Variants in TTC29 observed in about 807,000 individuals in gnomAD.
TTC29 encodes tetratricopeptide repeat domain 29, also known as tetratricopeptide repeat protein 29.
In TTC29, 49 loss-of-function variants were observed where a neutral mutation model predicts 58.1. The observed-to-expected ratio is 0.84, with a 90% CI of 0.67 to 1.07. The LOEUF (loss-of-function observed/expected upper bound fraction) is 1.07. TTC29 is among the 50% of genes least tolerant of loss of function. The pLI, the probability that TTC29 is intolerant of heterozygous loss-of-function variation, is 0.00. For missense variants in TTC29, 582 were observed against 555.6 expected, an observed-to-expected ratio of 1.05 and a Z score of -0.48; for synonymous variants, 209 against 196.8, an observed-to-expected ratio of 1.06 and a Z score of -0.52.
intron 8 of TTC29, among the ~76,000 whole-genome samples, chr4:146,841,010 G>C (rs1728819271): frequency 6.6e-6 from 1 of 152,128 alleles, no homozygotes; most frequent in African/African-American, 2.4e-5. Flanking sequence ...ATAAATTAAA[G>C]AACAAACTTT....
intron 11 of TTC29, among the ~76,000 whole-genome samples, chr4:146,708,357 C>CATGTGTATATATATATATATAT (rs1561047198): frequency 5.9e-5 from 1 of 16,812 alleles, no homozygotes; most frequent in African/African-American, 1.4e-4. Flanking sequence ...TATATATATA[C>CATGTGTATATATATATATATAT]ACATGTATGT....
intron 11 of TTC29, among the ~76,000 whole-genome samples, chr4:146,725,567 T>C (rs1304033173): frequency 6.6e-6 from 1 of 152,096 alleles, no homozygotes; most frequent in Admixed American, 6.6e-5. Flanking sequence ...AAAGGCTACT[T>C]TTATGGCTAA....
rs1731142112 is a variant in TTC29 at position 146,874,737 on chromosome 4, C to T, written c.778G>A (p.Ala260Thr). 1 of 1,604,560 alleles carries T rather than the reference C, an allele frequency of 6.2e-7. No homozygotes were observed. The highest frequency in any genetic ancestry group is 8.5e-7 in the Non-Finnish European group (1 of 1,175,782). ...YKQAIKILIK[A>T]SEIAKEGSDK... is the part of the protein sequence containing the mutation. ...CCACCTTCTTTGGCTATTTCAGAAG[C>T]TTTTATTAGAATTTTGATGGCCTGT... The change falls in exon 7 of 13, where the codon GCT becomes ACT. Residue 260 changes from alanine to threonine, a missense_variant. Ala to Thr is a moderately conservative substitution (Grantham distance 58). Transcript: ENST00000325106.
In TTC29 at chr4:146,803,619, T is replaced by G; in HGVS notation, c.1168A>C (p.Met390Leu). 5 of 1,609,828 alleles carry G rather than the reference T, an allele frequency of 3.1e-6. No homozygotes were observed. The highest frequency in any genetic ancestry group is 4.2e-6 in the Non-Finnish European group (5 of 1,177,804). ...AFDTTVELMSMPLMDETKVHY... is the reference protein window; with the variant it reads ...AFDTTVELMSLPLMDETKVHY... Reference sequence around the variant, plus strand: ...ACTTTTGTCTCATCCATCAGAGGCATGCTCATTAGCTCTACTGTTGTGTCA... The same window carrying G: ...ACTTTTGTCTCATCCATCAGAGGCAGGCTCATTAGCTCTACTGTTGTGTCA... Residue 390 changes from methionine to leucine, a missense_variant, in exon 11 of 13, where the codon ATG becomes CTG. Physicochemically the swap from Met to Leu is conservative, Grantham distance 15. Transcript: ENST00000325106.
chr4:146,785,375 G>A (rs752708039), intron 11 of TTC29, among the ~76,000 whole-genome samples: 9 of 152,194 alleles, frequency 5.9e-5, no homozygotes, highest in Non-Finnish European at 1.0e-4. Flanking sequence ...GGTTGCCACT[G>A]CCTCAAATGG....
intron 4 of TTC29, among the ~76,000 whole-genome samples, chr4:146,933,725 A>G (rs1295525085): frequency 6.6e-6 from 1 of 152,194 alleles, no homozygotes; most frequent in African/African-American, 2.4e-5. Context: ...CACAACAATA[A>G]TCTAGTCACT....
chr4:146,878,805 T>C (rs1186352543), intron 6 of TTC29, among the ~76,000 whole-genome samples: 1 of 152,202 alleles, frequency 6.6e-6, no homozygotes, highest in Non-Finnish European at 1.5e-5. Context: ...AATGTGTTTC[T>C]GATTGGTCTT....
intron 4 of TTC29, among the ~76,000 whole-genome samples, chr4:146,909,485 A>G (rs558697883): frequency 3.9e-5 from 6 of 152,336 alleles, no homozygotes; most frequent in Admixed American, 2.0e-4. Context: ...CATTATAAAC[A>G]TATCAGTTCC....
chr4:146,754,842 C>T (rs1464255218), intron 11 of TTC29, among the ~76,000 whole-genome samples: 2 of 151,920 alleles, frequency 1.3e-5, no homozygotes, highest in East Asian at 3.9e-4. Context: ...GATCTAGTAT[C>T]AGGCAAGATG....
intron 11 of TTC29, among the ~76,000 whole-genome samples, chr4:146,725,260 C>G (rs1743683474): frequency 6.6e-6 from 1 of 152,178 alleles, no homozygotes; most frequent in South Asian, 2.1e-4. Context: ...AAAGGCCAGA[C>G]TGGTAGATCA....
At chr4:146,868,882 T>C (rs1259509924) in intron 7 of TTC29, among the ~76,000 whole-genome samples, 1 of 152,076 alleles carries the variant, frequency 6.6e-6, no homozygotes, top group African/African-American at 2.4e-5. Context: ...CATGAATGTC[T>C]TGGTGCCATC....
intron 4 of TTC29, among the ~76,000 whole-genome samples, chr4:146,910,988 A>C (rs1733858703): frequency 6.6e-6 from 1 of 152,146 alleles, no homozygotes; most frequent in South Asian, 2.1e-4. Flanking sequence ...GGGCTCAGAG[A>C]GTAGAAAAGT....
At chr4:146,806,227 G>C (rs1750605786) in intron 10 of TTC29, among the ~76,000 whole-genome samples, 2 of 152,170 alleles carry the variant, frequency 1.3e-5, no homozygotes. Flanking sequence ...AAGAGCTCCT[G>C]AAGGAAACAC....
chr4:146,798,957 G>C (rs1331174267), intron 11 of TTC29, among the ~76,000 whole-genome samples: 1 of 144,702 alleles, frequency 6.9e-6, no homozygotes. Context: ...CTCTTACTGA[G>C]AAATCATGGT....
chr4:146,912,327 T>A (rs781312773), intron 4 of TTC29, among the ~76,000 whole-genome samples: 2 of 152,180 alleles, frequency 1.3e-5, no homozygotes, highest in African/African-American at 4.8e-5. Flanking sequence ...AAACAATGAA[T>A]GATTTTTTTA....
At position 146,728,860 on chromosome 4, in the gene TTC29, C is replaced by CATATATGTATATATATACGT. The variant is rs1744101369; in HGVS notation, c.1331-21310_1331-21309insACGTATATATATACATATAT. Reference sequence around the variant, plus strand: ...ACACATATATATGTATATATATACACATATATATGTGTGTGTATATATATA... The same window carrying CATATATGTATATATATACGT: ...ACACATATATATGTATATATATACACATATATGTATATATATACGTATATATATGTGTGTGTATATATATA... On this transcript the variant is annotated intron_variant, in intron 11 of 12. Transcript: ENST00000325106. 8.1e-5 allele frequency among the ~76,000 whole-genome samples: 5 copies of CATATATGTATATATATACGT among 62,026 alleles called. 1 individual carries two copies. The highest frequency in any genetic ancestry group is 1.8e-4 in the Non-Finnish European group (5 of 27,124). 40.7% of individuals were successfully genotyped at this position (62,026 alleles called of 152,430 possible).
intron 10 of TTC29, among the ~76,000 whole-genome samples, chr4:146,817,028 G>T (rs964334613): frequency 1.3e-5 from 2 of 152,050 alleles, no homozygotes; most frequent in Non-Finnish European, 2.9e-5. Context: ...CCTCAAGACA[G>T]GGATGCCCTC....
At chr4:146,907,385 A>C (rs1484330108) in intron 5 of TTC29, among the ~76,000 whole-genome samples, 1 of 152,222 alleles carries the variant, frequency 6.6e-6, no homozygotes, top group Non-Finnish European at 1.5e-5. Context: ...GAATATGATA[A>C]AATTCAATGG....
At chr4:146,860,950 A>G (rs547339241) in intron 8 of TTC29, among the ~76,000 whole-genome samples, 2 of 152,218 alleles carry the variant, frequency 1.3e-5, no homozygotes, top group Non-Finnish European at 2.9e-5. Context: ...TATGGAATAA[A>G]TAATAGTAAT....
Sources: allele counts gnomAD v4.1 joint callset (sites outside exome capture counted in the v4.1 genomes callset), GRCh38; gene constraint gnomAD v4.1.1; transcripts MANE v1.5; gene names NCBI Gene and HGNC (gene_info 2026-07-23, HGNC 2026-07-21).